CACNG3: variants seen among roughly 807,000 people sequenced by gnomAD.
The protein encoded by CACNG3 is voltage-dependent calcium channel gamma-3 subunit.
In CACNG3, 3 loss-of-function variants were observed where a neutral mutation model predicts 28.5. The ratio of observed to expected loss-of-function variants is 0.11; its 90% CI spans 0.05 to 0.27. The LOEUF is 0.27. Ranked by LOEUF, CACNG3 falls within the 10% of genes least tolerant of loss-of-function variation. The pLI is 1.00. For missense variants in CACNG3, 236 were observed against 414.4 expected, an observed-to-expected ratio of 0.57 and a Z score of 3.74; for synonymous variants, 174 against 162.2, an observed-to-expected ratio of 1.07 and a Z score of -0.55.
intron 1 of CACNG3, among the ~76,000 whole-genome samples, chr16:24,289,874 A>G (rs1442853106): frequency 6.6e-6 from 1 of 152,248 alleles, no homozygotes; most frequent in East Asian, 1.9e-4. Flanking sequence ...AGGCCCTAGA[A>G]CAGTGCTAAG....
intron 1 of CACNG3, among the ~76,000 whole-genome samples, chr16:24,323,219 CAAAA>C (rs761999416): frequency 9.0e-5 from 6 of 66,790 alleles, no homozygotes; most frequent in Admixed American, 2.0e-4. Context: ...GAGCAGGACT[CAAAA>C]AAAAAAAAAA....
chr16:24,343,918 T>C (rs2141378794), intron 1 of CACNG3, among the ~76,000 whole-genome samples: 1 of 151,954 alleles, frequency 6.6e-6, no homozygotes, highest in South Asian at 2.1e-4. Context: ...TGAAACCCCG[T>C]CTCTACTAGA....
intron 1 of CACNG3, among the ~76,000 whole-genome samples, chr16:24,266,278 C>A (rs1214735549): frequency 1.3e-5 from 2 of 152,172 alleles, no homozygotes; most frequent in South Asian, 2.1e-4. Context: ...GGGTGACCCA[C>A]CACAGGCAGC....
At chr16:24,303,521 G>A (rs922515471) in intron 1 of CACNG3, among the ~76,000 whole-genome samples, 1 of 151,940 alleles carries the variant, frequency 6.6e-6, no homozygotes, top group Non-Finnish European at 1.5e-5. Context: ...ACTTCTCAGG[G>A]AATCTTCCTT....
At chr16:24,341,831 C>CTT (rs1891053442) in intron 1 of CACNG3, among the ~76,000 whole-genome samples, 1 of 152,168 alleles carries the variant, frequency 6.6e-6, no homozygotes, top group South Asian at 2.1e-4. Flanking sequence ...GGAGAGTTTA[C>CTT]ACCCAGTCTA....
In CACNG3 at chr16:24,361,145, A is replaced by T. The variant is rs1178966665; in HGVS notation, c.437-207A>T. On this transcript the variant is annotated intron_variant, in intron 3 of 3. Coordinates refer to ENST00000005284, the MANE Select transcript of CACNG3 (RefSeq NM_006539.4). The surrounding 1 kb of genome is among the most constrained non-coding windows in gnomAD (Gnocchi z 6.8). ...AGTAGGGTGTATTCTTCAGCTGAAT[A>T]CACATTGCCTGGAACTGAGCAGCAG... Among the ~76,000 whole-genome samples, 2 of 152,200 alleles carry T rather than the reference A, an allele frequency of 1.3e-5. No homozygotes were observed. The highest frequency in any genetic ancestry group is 4.8e-5 in the African/African-American group (2 of 41,446).
intron 1 of CACNG3, among the ~76,000 whole-genome samples, chr16:24,298,528 T>C (rs183782051): frequency 1.0e-3 from 155 of 152,306 alleles, no homozygotes; most frequent in African/African-American, 3.5e-3. Flanking sequence ...AGTTTTAGAT[T>C]TACAGAAAAT....
At chr16:24,325,834 A>G (rs75014929) in intron 1 of CACNG3, among the ~76,000 whole-genome samples, 3,720 of 152,322 alleles carry the variant, frequency 0.024, 133 homozygotes, top group African/African-American at 0.074. Flanking sequence ...TGCTGTTCCA[A>G]ACAGGTGAGG....
intron 1 of CACNG3, among the ~76,000 whole-genome samples, chr16:24,341,729 C>G (rs1567222900): frequency 1.3e-5 from 2 of 152,262 alleles, no homozygotes; most frequent in East Asian, 1.9e-4. Context: ...AGACTGGGCT[C>G]TTACTAAATA....
chr16:24,300,255 C>T (rs981369715), intron 1 of CACNG3, among the ~76,000 whole-genome samples: 3 of 152,236 alleles, frequency 2.0e-5, no homozygotes, highest in Middle Eastern at 3.4e-3. Flanking sequence ...TCCCAATTTA[C>T]GGCCCATAGA....
chr16:24,342,340 A>T (rs1378285284), intron 1 of CACNG3, among the ~76,000 whole-genome samples: 6 of 152,242 alleles, frequency 3.9e-5, no homozygotes, highest in Admixed American at 3.3e-4. Context: ...TGTGCAAAAG[A>T]GTATTGCAGG....
intron 1 of CACNG3, among the ~76,000 whole-genome samples, chr16:24,304,440 A>G (rs960491144): frequency 1.3e-5 from 2 of 152,138 alleles, no homozygotes; most frequent in Non-Finnish European, 2.9e-5. Flanking sequence ...TAAACTGTAT[A>G]CCTCTGCCTA....
chr16:24,300,369 G>C (rs918928461), intron 1 of CACNG3, among the ~76,000 whole-genome samples: 4 of 152,050 alleles, frequency 2.6e-5, no homozygotes, highest in African/African-American at 7.2e-5. Context: ...GCGGGGTGAG[G>C]ACTCTGGCAA....
At chr16:24,317,764 C>T (rs914600389) in intron 1 of CACNG3, among the ~76,000 whole-genome samples, 1 of 151,968 alleles carries the variant, frequency 6.6e-6, no homozygotes, top group East Asian at 1.9e-4. Flanking sequence ...CACCCCAGAC[C>T]TGCTGAATCA....
chr16:24,319,035 A>C (rs1899422938), intron 1 of CACNG3, among the ~76,000 whole-genome samples: 1 of 152,202 alleles, frequency 6.6e-6, no homozygotes, highest in Non-Finnish European at 1.5e-5. Context: ...TTATTTTTAC[A>C]GTGGCCTTCT....
intron 3 of CACNG3, among the ~76,000 whole-genome samples, chr16:24,357,110 T>C (rs946109235): frequency 3.9e-5 from 6 of 152,026 alleles, no homozygotes; most frequent in African/African-American, 1.2e-4. Context: ...GGTGCAGGCC[T>C]GTAGTCACAG....
intron 1 of CACNG3, among the ~76,000 whole-genome samples, chr16:24,280,480 G>A (rs1898810843): frequency 6.6e-6 from 1 of 152,108 alleles, no homozygotes; most frequent in Admixed American, 6.6e-5. Context: ...CACACTGTTT[G>A]GGGATGAAAA....
intron 1 of CACNG3, among the ~76,000 whole-genome samples, chr16:24,301,465 T>C (rs1341412928): frequency 2.0e-5 from 3 of 152,172 alleles, no homozygotes; most frequent in Admixed American, 6.5e-5. Flanking sequence ...AGTCAACTTG[T>C]CTATGAGGCG....
At chr16:24,341,433 G>A (rs182919943) in intron 1 of CACNG3, among the ~76,000 whole-genome samples, 77 of 152,188 alleles carry the variant, frequency 5.1e-4, no homozygotes, top group African/African-American at 1.6e-3. Context: ...CAAAACCAAC[G>A]GTAATAATAG....
Sources: gnomAD v4.1 joint callset for allele counts (sites outside exome capture counted in the v4.1 genomes callset) on GRCh38, gnomAD v4.1.1 for gene constraint, Gnocchi (gnomAD v3.1) non-coding constraint, MANE v1.5 for transcripts, NCBI Gene and HGNC (gene_info 2026-07-23, HGNC 2026-07-21) for gene names.